CPSF1: variants seen among roughly 807,000 people sequenced by gnomAD.
CPSF1 encodes cleavage and polyadenylation specific factor 1.
CPSF1 carries 106 observed loss-of-function variants against 175.8 expected under a neutral mutation model. The observed-to-expected ratio is 0.60, with a 90% CI of 0.52 to 0.71. The LOEUF (loss-of-function observed/expected upper bound fraction) is 0.71, where lower values mean the gene tolerates loss of function less well. CPSF1 is among the 30% of genes least tolerant of loss of function. The pLI, the probability that CPSF1 is intolerant of heterozygous loss-of-function variation, is 0.00. For missense variants in CPSF1, 1,734 were observed against 2,022.9 expected (o/e 0.86, Z 2.74); for synonymous variants, 1,024 against 858.3 (o/e 1.19, Z -3.37).
In CPSF1 at chr8:144,401,028, G is replaced by C. The variant is rs1303043073; in HGVS notation, c.435C>G (p.Pro145=). ...CAAGCATGGCTGCACAGCGCCCGTC[G>C]GGGTCCACCCGCACTCGCGGCGTGT... ...NVHTPRVRVD[P]DGRCAAMLVY... The change falls in exon 6 of 38, where the codon CCC becomes CCG. Residue 145 remains proline (P), a synonymous_variant. Coordinates refer to ENST00000616140, the MANE Select transcript of CPSF1 (RefSeq NM_013291.3). The C allele has an allele frequency of 6.2e-7, 1 of 1,608,908 alleles. No individual in the cohort carries two copies. Among genetic ancestry groups the C allele is most frequent in the East Asian group, 2.2e-5 (1 of 44,772 alleles).
rs1820553777 is a variant in CPSF1 at position 144,394,273 on chromosome 8, C to T, written c.3772G>A (p.Val1258Met). The change falls in exon 33 of 38, where the codon GTG (valine) becomes ATG (methionine). Residue 1258 changes from valine to methionine, a missense_variant. Coordinates refer to ENST00000616140, the MANE Select transcript of CPSF1 (RefSeq NM_013291.3). ...RDAKPLEVYSVDFMVDNAQLG... is the reference protein window; with the variant it reads ...RDAKPLEVYSMDFMVDNAQLG... ...TGGGCATTGTCCACCATGAAGTCCA[C>T]GCTGTACACCTCCAGGGGCTTGGCA... 6 of 1,600,926 alleles carry T rather than the reference C, an allele frequency of 3.7e-6. No individual in the cohort carries two copies. The highest frequency in any genetic ancestry group is 1.1e-5 in the South Asian group (1 of 89,768).
Position 144,397,316 on chromosome 8 carries a change from G to A in CPSF1, c.2483C>T (p.Thr828Ile), listed in dbSNP as rs944965362. 1.7e-5 allele frequency: 26 copies of A among 1,554,456 alleles called. No individual in the cohort carries two copies. Among genetic ancestry groups the A allele is most frequent in the African/African-American group, 2.7e-5 (2 of 73,308 alleles). ...LVDSSFGQPT[T>I]QGEARREEAT... The stretch of plus-strand genomic sequence containing the variant: ...CTCCTCCCTGCGGGCCTCGCCCTGT[G>A]TAGTGGGCTGTCCAAAGGAGCTGTC... Residue 828 changes from threonine (T) to isoleucine (I), a missense_variant, in exon 23 of 38, where the codon ACA (threonine) becomes ATA (isoleucine). Thr to Ile is a moderately conservative substitution (Grantham distance 89). Coordinates refer to ENST00000616140, the MANE Select transcript of CPSF1 (RefSeq NM_013291.3).
intron 16 of CPSF1, 41 bp from the exon 17 acceptor site, chr8:144,398,909 C>G (rs2116856112): frequency 6.2e-6 from 10 of 1,610,124 alleles, no homozygotes; most frequent in Non-Finnish European, 8.5e-6. Flanking sequence ...GGGGTGTGAG[C>G]CCACCCAGGT....
intron 2 of CPSF1, among the ~76,000 whole-genome samples, chr8:144,403,868 G>T (rs1027952074): frequency 6.6e-6 from 1 of 151,612 alleles, no homozygotes; most frequent in African/African-American, 2.4e-5. Flanking sequence ...CAAATAAAGG[G>T]TATCTACAAA....
chr8:144,407,104 A>G (rs1043572171), intron 2 of CPSF1, among the ~76,000 whole-genome samples: 1 of 151,876 alleles, frequency 6.6e-6, no homozygotes, highest in African/African-American at 2.4e-5. Context: ...TAGTAGACAC[A>G]GGGTTTTGCC....
At position 144,396,966 on chromosome 8, in the gene CPSF1, G is replaced by A. The variant is rs374663242; in HGVS notation, c.2593-37C>T. On this transcript the variant is annotated intron_variant, in intron 23 of 37. Coordinates refer to ENST00000616140, the MANE Select transcript of CPSF1 (RefSeq NM_013291.3). ...AGGGGAGCCATGGGGGAACGGGCAGGGCCATGGAGAACATGGGATGGGCCA... is the reference window on the plus strand; with the variant it reads ...AGGGGAGCCATGGGGGAACGGGCAGAGCCATGGAGAACATGGGATGGGCCA... 4.7e-6 allele frequency: 7 copies of A among 1,503,286 alleles called. No homozygotes were observed. In the African/African-American group the frequency reaches 8.3e-5, roughly 18 times the overall value. The allele number at this position is 1,503,286 out of a possible 1,614,324, so 93.1% of individuals were successfully genotyped here.
intron 1 of CPSF1, 42 bp from the exon 2 acceptor site, chr8:144,409,214 C>T (rs1554870078): frequency 1.1e-5 from 16 of 1,461,962 alleles, no homozygotes; most frequent in Non-Finnish European, 1.4e-5. Context: ...GGGTCGCCCA[C>T]GCAGGAGCCC....
rs2116883774 is a variant in CPSF1 at position 144,401,334 on chromosome 8, T to C, written c.307-43A>G. On this transcript the variant is annotated intron_variant, in intron 4 of 37. Transcript: ENST00000616140. Reference sequence around the variant, plus strand: ...AGCCGTGGCTGCCGACTGCCGGTCCTGACAGTGTCGCCCCCGGCAACCAAC... The same window carrying C: ...AGCCGTGGCTGCCGACTGCCGGTCCCGACAGTGTCGCCCCCGGCAACCAAC... 1.9e-6 allele frequency: 3 copies of C among 1,603,190 alleles called. No individual in the cohort carries two copies. The Admixed American group carries it at 5.1e-5, about 27-fold the overall frequency.
At chr8:144,393,400 TG>T in intron 37 of CPSF1, 35 bp from the exon 38 acceptor site, 1 of 426,564 alleles carries the variant, frequency 2.3e-6, no homozygotes, top group Non-Finnish European at 3.7e-6. Flanking sequence ...GGTGGGTGGG[TG>T]GGGATGCACA....
chr8:144,398,701 C>T (rs2116853855), intron 17 of CPSF1, 63 bp from the exon 18 acceptor site: 93 of 1,600,550 alleles, frequency 5.8e-5, no homozygotes, highest in African/African-American at 4.0e-4. Flanking sequence ...CACGCAGGTG[C>T]GACCTGGGCA....
At position 144,401,418 on chromosome 8, in the gene CPSF1, C is replaced by T. The variant is rs2116884358; in HGVS notation, c.306+12G>A. ...CCTTGGCCAGGCCTACCCCACCAAG[C>T]CTACCACTCACCTTGGCATCCTTGA... is the stretch of plus-strand genomic sequence containing the variant. On this transcript the variant is annotated intron_variant, in intron 4 of 37. Transcript: ENST00000616140. 1.9e-6 allele frequency: 3 copies of T among 1,613,840 alleles called. No homozygotes were observed. The highest frequency in any genetic ancestry group is 2.7e-5 in the African/African-American group (2 of 74,944).
In CPSF1 at chr8:144,393,809, G is replaced by A. The variant is rs1554862384; in HGVS notation, c.4016-13C>T. ...CCGTCCAGGGTGGCTGGCAGGGGTA[G>A]GGTGAGGGTTTTGGTGTGAGCCAGG... On this transcript the variant is annotated splice_polypyrimidine_tract_variant and intron_variant, in intron 35 of 37. Transcript: ENST00000616140. 3.7e-6 allele frequency: 6 copies of A among 1,600,518 alleles called. No individual in the cohort carries two copies. The highest frequency in any genetic ancestry group is 5.1e-6 in the Non-Finnish European group (6 of 1,178,548).
At chr8:144,394,598 G>A (rs782537658) in intron 31 of CPSF1, 43 bp from the exon 32 acceptor site, 90 of 1,601,468 alleles carry the variant, frequency 5.6e-5, no homozygotes, top group Admixed American at 8.6e-5. Flanking sequence ...ACGGGGAGCC[G>A]GGTGAGGGTG....
Position 144,395,248 on chromosome 8 carries a change from G to T in CPSF1, c.3187+17C>A, listed in dbSNP as rs369565564. On this transcript the variant is annotated intron_variant, in intron 28 of 37. Transcript: ENST00000616140. ...AAGATGCGGCTGAGGATGGGAGTATGGTGTGGGCGTCACCACCTCTCTCGA... is the reference window on the plus strand; with the variant it reads ...AAGATGCGGCTGAGGATGGGAGTATTGTGTGGGCGTCACCACCTCTCTCGA... 2.5e-6 allele frequency: 4 copies of T among 1,612,906 alleles called. No individual in the cohort carries two copies. The African/African-American group carries it at 5.3e-5, about 22-fold the overall frequency.
At chr8:144,407,217 C>CT (rs2116907794) in intron 2 of CPSF1, among the ~76,000 whole-genome samples, 9,501 of 138,404 alleles carry the variant, frequency 0.069, 354 homozygotes, top group African/African-American at 0.083. Flanking sequence ...CGTGCCTGGC[C>CT]TTTTTTTTTT....
chr8:144,409,261 C>T (rs2116913944), intron 1 of CPSF1, 28 bp downstream of exon 1: 1 of 1,101,876 alleles, frequency 9.1e-7, no homozygotes, highest in Middle Eastern at 3.3e-4. Flanking sequence ...CTCGCGCTGC[C>T]GCCTCGGCCG....
chr8:144,398,652 AG>A lies in CPSF1; in HGVS notation c.1639-15del. 6.2e-7 allele frequency: 1 copy of A among 1,613,088 alleles called. No homozygotes were observed. ...GGGATTGTCCTCCTGTCAGGGCCAA[AG>A]GGGGGCAGGCTGGAAGCCACAGTCC... On this transcript the variant is annotated splice_polypyrimidine_tract_variant and intron_variant, in intron 17 of 37. Coordinates refer to ENST00000616140, the MANE Select transcript of CPSF1 (RefSeq NM_013291.3).
intron 26 of CPSF1, chr8:144,395,979 T>C: frequency 2.6e-6 from 1 of 386,372 alleles, no homozygotes; most frequent in Non-Finnish European, 4.8e-6. Context: ...GTGGCTTAAA[T>C]AGGGAACCAG....
At position 144,393,440 on chromosome 8, in the gene CPSF1, G is replaced by A; in HGVS notation, c.4284+12C>T. ...AGGGGCGGGGCGCGCGGGGGGCGGG[G>A]CGCGCACTCACTATGTCTGGTGTGG... is the stretch of plus-strand genomic sequence containing the variant. On this transcript the variant is annotated intron_variant, in intron 37 of 37. Transcript: ENST00000616140. 6.5e-7 allele frequency: 1 copy of A among 1,542,292 alleles called. No homozygotes were observed. The highest frequency in any genetic ancestry group is 1.2e-5 in the South Asian group (1 of 83,798).
Sources: gnomAD v4.1 joint callset for allele counts (sites outside exome capture counted in the v4.1 genomes callset) on GRCh38, gnomAD v4.1.1 for gene constraint, MANE v1.5 for transcripts, NCBI Gene and HGNC (gene_info 2026-07-23, HGNC 2026-07-21) for gene names.